KRT73: variants seen among roughly 807,000 people sequenced by gnomAD.
KRT73 encodes the protein keratin, type II cytoskeletal 73.
In KRT73, 44 loss-of-function variants were observed where a neutral mutation model predicts 47.2. The observed-to-expected ratio is 0.93, with a 90% CI of 0.73 to 1.20. The LOEUF (loss-of-function observed/expected upper bound fraction) is 1.20, where lower values mean the gene tolerates loss of function less well. Among genes scored for constraint, KRT73 ranks in the 50% most tolerant of loss-of-function variants. The pLI, the probability that KRT73 is intolerant of heterozygous loss-of-function variation, is 0.00. For synonymous variants in KRT73, 285 were observed against 291.3 expected, an observed-to-expected ratio of 0.98 and a Z score of 0.22; for missense variants, 713 against 704.5, an observed-to-expected ratio of 1.01 and a Z score of -0.14.
At chr12:52,616,051 A>G (rs1423140760) in intron 2 of KRT73, 115 bp downstream of exon 2, 3 of 1,296,498 alleles carry the variant, frequency 2.3e-6, no homozygotes, top group African/African-American at 2.9e-5. Context: ...GAAGGCTCTC[A>G]TCTTGCTGGG....
chr12:52,620,422 G>C (rs1004235370), upstream of KRT73, among the ~76,000 whole-genome samples: 23 of 152,156 alleles, frequency 1.5e-4, no homozygotes, highest in Non-Finnish European at 1.5e-5. Context: ...CTATTCCTTT[G>C]TAAGTTTCTT....
At chr12:52,618,026 C>T (rs971914632) in intron 1 of KRT73, 52 bp downstream of exon 1, 1 of 1,573,898 alleles carries the variant, frequency 6.4e-7, no homozygotes, top group Non-Finnish European at 8.6e-7. Flanking sequence ...GTGGCTCCCT[C>T]CTGAGTCCTT....
At chr12:52,617,463 T>A (rs1171211768) in intron 1 of KRT73, among the ~76,000 whole-genome samples, 1 of 152,186 alleles carries the variant, frequency 6.6e-6, no homozygotes, top group African/African-American at 2.4e-5. Context: ...CTGCTGCTGG[T>A]TCCAGGGCCA....
chr12:52,623,564 T>C, the KRT73 span, among the ~76,000 whole-genome samples: 6 of 152,124 alleles, frequency 3.9e-5, no homozygotes, highest in African/African-American at 1.4e-4. Flanking sequence ...TTTTAAAAAA[T>C]AAGTTAATAC....
At position 52,608,300 on chromosome 12, in the gene KRT73, G is replaced by A; in HGVS notation, c.1519C>T (p.Pro507Ser). The stretch of plus-strand genomic sequence containing the variant: ...AGCCTGGTCCTGGCTTCCCCACGGG[G>A]GCTACAGTTCCCACTGCCAGTGACA... ...GCVTGSGNCS[P>S]RGEARTRLGS... Residue 507 changes from proline to serine, a missense_variant, in exon 9 of 9, where the codon CCC becomes TCC. Transcript: ENST00000305748. 1 of 1,613,954 alleles carries A rather than the reference G, an allele frequency of 6.2e-7. No individual in the cohort carries two copies. Among genetic ancestry groups the A allele is most frequent in the Non-Finnish European group, 8.5e-7 (1 of 1,180,004 alleles).
upstream of KRT73, among the ~76,000 whole-genome samples, chr12:52,622,819 A>G (rs1179293424): frequency 6.6e-6 from 1 of 152,218 alleles, no homozygotes; most frequent in Admixed American, 6.5e-5. Flanking sequence ...TAAGAAATAT[A>G]ATAATCAAAA....
chr12:52,613,449 C>A, intron 5 of KRT73: 1 of 567,878 alleles, frequency 1.8e-6, no homozygotes, highest in Non-Finnish European at 2.7e-6. Flanking sequence ...AGTCTGGACT[C>A]TGTTTACACC....
Position 52,618,262 on chromosome 12 carries a change from C to A in KRT73, c.263G>T (p.Ser88Ile), listed in dbSNP as rs1034210919. Residue 88 changes from serine to isoleucine, a missense_variant, in exon 1 of 9, where the codon AGT becomes ATT. Transcript: ENST00000305748. ...CGGACACACGGACCCCAAGGCCACACTGCCAAACATGCTGCCAGCAAAGCC... is the reference window on the plus strand; with the variant it reads ...CGGACACACGGACCCCAAGGCCACAATGCCAAACATGCTGCCAGCAAAGCC... ...ASGFAGSMFG[S>I]VALGSVCPSL... is the part of the protein sequence containing the mutation. 1 of 1,614,234 alleles carries A rather than the reference C, an allele frequency of 6.2e-7. No individual in the cohort carries two copies. Among genetic ancestry groups the A allele is most frequent in the Admixed American group, 1.7e-5 (1 of 60,030 alleles).
At chr12:52,609,710 G>A (rs1434421388) in intron 7 of KRT73, 1 of 171,594 alleles carries the variant, frequency 5.8e-6, no homozygotes, top group Non-Finnish European at 1.2e-5. Flanking sequence ...TTAGAACAGG[G>A]TTTTTCAAAT....
At chr12:52,628,599 GTGT>G in the KRT73 span, among the ~76,000 whole-genome samples, 2 of 152,180 alleles carry the variant, frequency 1.3e-5, no homozygotes, top group Non-Finnish European at 2.9e-5. Context: ...GTTTCAAAAG[GTGT>G]TTATGCATGC....
intron 2 of KRT73, among the ~76,000 whole-genome samples, chr12:52,615,615 A>G (rs111922759): frequency 3.7e-4 from 57 of 152,126 alleles, no homozygotes; most frequent in African/African-American, 1.3e-3. Flanking sequence ...CAGTATCTGA[A>G]TCACAGAAGC....
intron 7 of KRT73, 45 bp from the exon 8 acceptor site, chr12:52,609,326 C>A: frequency 5.2e-6 from 8 of 1,543,118 alleles, no homozygotes; most frequent in Non-Finnish European, 6.3e-6. Flanking sequence ...ACGTGGACTC[C>A]CATAGTGGCC....
At chr12:52,625,790 G>A in the KRT73 span, among the ~76,000 whole-genome samples, 1 of 152,022 alleles carries the variant, frequency 6.6e-6, no homozygotes, top group Non-Finnish European at 1.5e-5. Flanking sequence ...GTACTACTCA[G>A]CAATGAAAAG....
chr12:52,619,374 A>C (rs1405753021), upstream of KRT73, among the ~76,000 whole-genome samples: 5 of 152,198 alleles, frequency 3.3e-5, no homozygotes, highest in Non-Finnish European at 2.9e-5. Context: ...TCCACATTAC[A>C]CAAATGGGGA....
Position 52,615,321 on chromosome 12 carries a change from G to T in KRT73, c.681C>A (p.Asn227Lys). 1 of 1,614,018 alleles carries T rather than the reference G, an allele frequency of 6.2e-7. No individual in the cohort carries two copies. The highest frequency in any genetic ancestry group is 8.5e-7 in the Non-Finnish European group (1 of 1,179,938). Reference protein sequence around the residue: ...DYKKRYEEEINKRTTAENEFV... With the variant: ...DYKKRYEEEIKKRTTAENEFV... ...ATTCATTCTCAGCAGTTGTGCGCTT[G>T]TTTATTTCTTCTTCATACCTGCAGG... Residue 227 changes from asparagine to lysine, a missense_variant, in exon 3 of 9, where the codon AAC becomes AAA. Physicochemically the swap from Asn to Lys is moderately conservative, Grantham distance 94. Coordinates refer to ENST00000305748, the MANE Select transcript of KRT73 (RefSeq NM_175068.3).
At chr12:52,616,670 C>T (rs1406514495) in intron 1 of KRT73, among the ~76,000 whole-genome samples, 7 of 152,158 alleles carry the variant, frequency 4.6e-5, no homozygotes, top group Non-Finnish European at 7.4e-5. Flanking sequence ...TTATCCAAAC[C>T]TGCCTGGACC....
At chr12:52,610,401 C>T (rs748975754) in intron 7 of KRT73, 3 of 585,268 alleles carry the variant, frequency 5.1e-6, no homozygotes, top group African/African-American at 1.9e-5. Flanking sequence ...AAAGACACAA[C>T]AGCACCCAGC....
intron 2 of KRT73, 29 bp downstream of exon 2, chr12:52,616,137 A>C (rs371924474): frequency 3.7e-5 from 60 of 1,612,852 alleles, no homozygotes; most frequent in African/African-American, 1.2e-4. Context: ...CCTGGGAGGC[A>C]GACCAGCCTG....
At chr12:52,621,508 C>A (rs1230301371), upstream of KRT73, among the ~76,000 whole-genome samples, 1 of 152,118 alleles carries the variant, frequency 6.6e-6, no homozygotes, top group Non-Finnish European at 1.5e-5. Flanking sequence ...CCTCAGGACC[C>A]AGTGAAAGAC....
Sources: gnomAD v4.1 joint callset for allele counts (sites outside exome capture counted in the v4.1 genomes callset) on GRCh38, gnomAD v4.1.1 for gene constraint, MANE v1.5 for transcripts, NCBI Gene and HGNC (gene_info 2026-07-23, HGNC 2026-07-21) for gene names.